Variants in ZSWIM8 observed in about 807,000 individuals in gnomAD.
ZSWIM8 encodes the protein zinc finger SWIM domain-containing protein 8.
A neutral mutation model predicts 173.7 loss-of-function variants in ZSWIM8; 27 were observed. The ratio of observed to expected loss-of-function variants is 0.16; its 90% CI spans 0.11 to 0.21. The LOEUF (loss-of-function observed/expected upper bound fraction) is 0.21, where lower values mean the gene tolerates loss of function less well. Ranked by LOEUF, ZSWIM8 falls within the 10% of genes least tolerant of loss-of-function variation. ZSWIM8 has a pLI of 1.00. For missense variants in ZSWIM8, 1,627 were observed against 2,428.8 expected (o/e 0.67, Z 6.94); for synonymous variants, 958 against 962.0 (o/e 1.00, Z 0.08).
chr10:73,797,687 C>T lies in ZSWIM8; in HGVS notation c.3662+82C>T, dbSNP rs948010352. The T allele has an allele frequency of 1.3e-6, 2 of 1,566,470 alleles. No homozygotes were observed. Among genetic ancestry groups the T allele is most frequent in the Non-Finnish European group, 1.7e-6 (2 of 1,151,440 alleles). On this transcript the variant is annotated intron_variant, in intron 18 of 25. Transcript: ENST00000604729. The surrounding 1 kb of genome is among the most constrained non-coding windows in gnomAD (Gnocchi z 5.6). Reference sequence around the variant, plus strand: ...CCTAGTGCAATCCAACCATTGTCTCCCAGCATCCTCACTTTCCCTGGTCCT... The same window carrying T: ...CCTAGTGCAATCCAACCATTGTCTCTCAGCATCCTCACTTTCCCTGGTCCT...
At position 73,797,288 on chromosome 10, in the gene ZSWIM8, G is replaced by T. The variant is rs776267922; in HGVS notation, c.3433+17G>T. The T allele has an allele frequency of 3.0e-5, 49 of 1,613,780 alleles. No individual in the cohort carries two copies. Among genetic ancestry groups the T allele is most frequent in the Non-Finnish European group, 3.2e-5 (38 of 1,179,820 alleles). ...AGCACACAGGTAGGATAGCCTGTGGGCTAGCATAGAGGGAAGGATAATCCT... is the reference window on the plus strand; with the variant it reads ...AGCACACAGGTAGGATAGCCTGTGGTCTAGCATAGAGGGAAGGATAATCCT... On this transcript the variant is annotated intron_variant, in intron 17 of 25. Coordinates refer to ENST00000604729, the MANE Select transcript of ZSWIM8 (RefSeq NM_001367799.1). This position sits in a 1 kb window ranked among gnomAD's most constrained non-coding sequence, Gnocchi z 5.6.
intron 1 of ZSWIM8, among the ~76,000 whole-genome samples, chr10:73,787,013 G>A (rs1016257612): frequency 1.3e-5 from 2 of 150,742 alleles, no homozygotes; most frequent in African/African-American, 2.4e-5. Context: ...GCACGATCTC[G>A]GCTCACCGCA....
At chr10:73,798,116 T>A in intron 19 of ZSWIM8, 46 bp downstream of exon 19, 1 of 1,604,028 alleles carries the variant, frequency 6.2e-7, no homozygotes, top group Non-Finnish European at 8.5e-7. Context: ...GATTAATTGG[T>A]GGGGATAAGA....
intron 1 of ZSWIM8, among the ~76,000 whole-genome samples, chr10:73,788,045 G>A (rs796271694): frequency 5.9e-5 from 9 of 152,146 alleles, no homozygotes; most frequent in African/African-American, 2.2e-4. Flanking sequence ...CTTAGTCCAG[G>A]TGATTCCAGT....
chr10:73,800,271 C>T lies in ZSWIM8; in HGVS notation c.4826-25C>T, dbSNP rs1224451026. 3 of 1,612,634 alleles carry T rather than the reference C, an allele frequency of 1.9e-6. No individual in the cohort carries two copies. The African/African-American group carries it at 4.0e-5, about 22-fold the overall frequency. The stretch of plus-strand genomic sequence containing the variant: ...TTGTCTCTCTTTGGGCTCTGAGTTC[C>T]TCACATGGCTCTCACCCCACTTAGT... On this transcript the variant is annotated intron_variant, in intron 22 of 25. Transcript: ENST00000604729. The surrounding 1 kb of genome is among the most constrained non-coding windows in gnomAD (Gnocchi z 4.1).
In ZSWIM8 at chr10:73,789,632, C is replaced by T. The variant is rs1330784684; in HGVS notation, c.631-85C>T. Reference sequence around the variant, plus strand: ...GGCTACAATGTGAGCCCCCTCGCCTCGCCTACTCTGCCTCTCTGTCCCCCA... The same window carrying T: ...GGCTACAATGTGAGCCCCCTCGCCTTGCCTACTCTGCCTCTCTGTCCCCCA... On this transcript the variant is annotated intron_variant, in intron 4 of 25. Coordinates refer to ENST00000604729, the MANE Select transcript of ZSWIM8 (RefSeq NM_001367799.1). This position sits in a 1 kb window ranked among gnomAD's most constrained non-coding sequence, Gnocchi z 6.8. The T allele has an allele frequency of 2.1e-5, 32 of 1,547,740 alleles. No homozygotes were observed. Among genetic ancestry groups the T allele is most frequent in the Middle Eastern group, 3.4e-4 (2 of 5,836 alleles).
At position 73,794,619 on chromosome 10, in the gene ZSWIM8, A is replaced by G; in HGVS notation, c.2888A>G (p.Glu963Gly). 1 of 1,554,362 alleles carries G rather than the reference A, an allele frequency of 6.4e-7. No homozygotes were observed. Among genetic ancestry groups the G allele is most frequent in the Non-Finnish European group, 8.7e-7 (1 of 1,148,568 alleles). The stretch of plus-strand genomic sequence containing the variant: ...CCTGGGGATGAGGAGCTTGGATTTG[A>G]AGCAGCAGTTGCTGCCTTGGGTGAG... ...ETPGDEELGF[E>G]AAVAALGMKT... The change falls in exon 14 of 26, where the codon GAA (glutamate) becomes GGA (glycine). Residue 963 changes from glutamate (E) to glycine (G), a missense_variant. Physicochemically the swap from Glu to Gly is moderately conservative, Grantham distance 98. This residue lies in a region of ZSWIM8 where 169 missense variants were observed against 235.3 expected (regional missense o/e 0.72). Coordinates refer to ENST00000604729, the MANE Select transcript of ZSWIM8 (RefSeq NM_001367799.1).
chr10:73,785,784 C>A lies in ZSWIM8; in HGVS notation c.-95C>A. 2.2e-6 allele frequency: 3 copies of A among 1,354,728 alleles called. No homozygotes were observed. The highest frequency in any genetic ancestry group is 3.0e-6 in the Non-Finnish European group (3 of 997,670). The allele number at this position is 1,354,728 out of a possible 1,614,324, so 83.9% of individuals were successfully genotyped here. On this transcript the variant is annotated 5_prime_UTR_variant, in exon 1 of 26. Coordinates refer to ENST00000604729, the MANE Select transcript of ZSWIM8 (RefSeq NM_001367799.1). ...GCCCCGGCCACCCCCAGCCCCGGCT[C>A]GCCCCTCAGGCCCCGGGCCTCCCCT...
chr10:73,801,503 C>T lies in ZSWIM8; in HGVS notation c.5489C>T (p.Ala1830Val). ...ELWQRVSLEM[A>V]TFSP The stretch of plus-strand genomic sequence containing the variant: ...TGGCAGCGGGTCTCACTCGAGATGG[C>T]CACCTTCTCCCCCTGAGTCTTTCAC... Residue 1830 changes from alanine to valine, a missense_variant, in exon 26 of 26, where the codon GCC becomes GTC. Ala to Val is a moderately conservative substitution (Grantham distance 64). Around this residue, in one of 18 missense-constraint regions of ZSWIM8, gnomAD observed 122 missense variants for 196.1 expected, o/e 0.62. Coordinates refer to ENST00000604729, the MANE Select transcript of ZSWIM8 (RefSeq NM_001367799.1). The surrounding 1 kb of genome is among the most constrained non-coding windows in gnomAD (Gnocchi z 4.9). The T allele has an allele frequency of 6.2e-7, 1 of 1,613,870 alleles. No individual in the cohort carries two copies.
chr10:73,793,634 G>T lies in ZSWIM8; in HGVS notation c.2360G>T (p.Ser787Ile). ...AEALHAHGYS[S>I]EASRLTVELA... ...GCCCTGCATGCGCATGGCTATAGCAGTGAGGCCTCCCGTCTCACTGTGGAG... is the reference window on the plus strand; with the variant it reads ...GCCCTGCATGCGCATGGCTATAGCATTGAGGCCTCCCGTCTCACTGTGGAG... Residue 787 changes from serine to isoleucine, a missense_variant, in exon 11 of 26, where the codon AGT becomes ATT. By Grantham distance (142) the Ser-to-Ile change is moderately radical. Transcript: ENST00000604729. 6.2e-7 allele frequency: 1 copy of T among 1,613,482 alleles called. No homozygotes were observed.
rs1168487652 is a variant in ZSWIM8 at position 73,791,802 on chromosome 10, C to T, written c.1320-57C>T. On this transcript the variant is annotated intron_variant, in intron 9 of 25. Transcript: ENST00000604729. This position sits in a 1 kb window ranked among gnomAD's most constrained non-coding sequence, Gnocchi z 6.0. Reference sequence around the variant, plus strand: ...CCTCTCTTTGGGGTGTACACCTACTCCATGCCCATCCTTTCCCAGTAGCCC... The same window carrying T: ...CCTCTCTTTGGGGTGTACACCTACTTCATGCCCATCCTTTCCCAGTAGCCC... 5 of 1,467,122 alleles carry T rather than the reference C, an allele frequency of 3.4e-6. No homozygotes were observed. The Admixed American group carries it at 9.8e-5, about 29-fold the overall frequency. 90.9% of individuals were successfully genotyped at this position (1,467,122 alleles called of 1,614,324 possible). A position where few individuals can be genotyped will look rare whatever the true frequency, so the allele number is the denominator to read the frequency against.
chr10:73,791,310 T>G lies in ZSWIM8; in HGVS notation c.1144-14T>G. 2.5e-6 allele frequency: 4 copies of G among 1,594,774 alleles called. No individual in the cohort carries two copies. Among genetic ancestry groups the G allele is most frequent in the Non-Finnish European group, 3.4e-6 (4 of 1,164,682 alleles). On this transcript the variant is annotated splice_polypyrimidine_tract_variant and intron_variant, in intron 8 of 25. Transcript: ENST00000604729. This position sits in a 1 kb window ranked among gnomAD's most constrained non-coding sequence, Gnocchi z 6.0. ...GAGCTCTCAGGTGCAGCTCACAGCC[T>G]TCTTTGTCTCCAGATAACAGGTTGG...
Position 73,789,086 on chromosome 10 carries a change from T to A in ZSWIM8, c.363-10T>A. 6.2e-7 allele frequency: 1 copy of A among 1,613,422 alleles called. No individual in the cohort carries two copies. The highest frequency in any genetic ancestry group is 1.7e-5 in the Admixed American group (1 of 59,964). ...CTGAGTTGTGGCTGTGTCCTCTTCT[T>A]CACCCCCAGGCTGTATTCGTGCCTG... On this transcript the variant is annotated splice_polypyrimidine_tract_variant and intron_variant, in intron 2 of 25. Transcript: ENST00000604729. The surrounding 1 kb of genome is among the most constrained non-coding windows in gnomAD (Gnocchi z 6.8).
Position 73,790,307 on chromosome 10 carries a change from T to C in ZSWIM8, c.941+15T>C. 2 of 1,584,150 alleles carry C rather than the reference T, an allele frequency of 1.3e-6. No individual in the cohort carries two copies. The highest frequency in any genetic ancestry group is 1.7e-6 in the Non-Finnish European group (2 of 1,166,216). ...GTGGTCTTCAGGTAAATCGGATCTC[T>C]GCATACCTGTGTCTGTGGTGGAGGG... On this transcript the variant is annotated intron_variant, in intron 7 of 25. Coordinates refer to ENST00000604729, the MANE Select transcript of ZSWIM8 (RefSeq NM_001367799.1).
In ZSWIM8 at chr10:73,797,207, C is replaced by T; in HGVS notation, c.3369C>T (p.Gly1123=). Residue 1123 remains glycine (G), a synonymous_variant, in exon 17 of 26, where the codon GGC becomes GGT. Coordinates refer to ENST00000604729, the MANE Select transcript of ZSWIM8 (RefSeq NM_001367799.1). This position sits in a 1 kb window ranked among gnomAD's most constrained non-coding sequence, Gnocchi z 5.6. ...AGGTTCCTAGCCGCTTGGCACTTGGCAGTCGTGGAGGCTATAATGGACGGG... is the reference window on the plus strand; with the variant it reads ...AGGTTCCTAGCCGCTTGGCACTTGGTAGTCGTGGAGGCTATAATGGACGGG... ...EGKVPSRLAL[G]SRGGYNGRGW... 1.9e-6 allele frequency: 3 copies of T among 1,613,994 alleles called. No homozygotes were observed. The highest frequency in any genetic ancestry group is 2.5e-6 in the Non-Finnish European group (3 of 1,179,876).
rs777052584 is a variant in ZSWIM8, at chr10:73,786,127, T to C, written c.208+41T>C. The stretch of plus-strand genomic sequence containing the variant: ...GGGGAAGAGGAGCGGCAGGCCCTGC[T>C]TGGGCCTCGCTCGGGAGCTGTCCGG... On this transcript the variant is annotated intron_variant, in intron 1 of 25. Transcript: ENST00000604729. 2.7e-6 allele frequency: 4 copies of C among 1,494,004 alleles called. No homozygotes were observed. In the Admixed American group the frequency reaches 8.7e-5, roughly 32 times the overall value. 92.5% of individuals were successfully genotyped at this position (1,494,004 alleles called of 1,614,324 possible).
chr10:73,793,869 A>G lies in ZSWIM8; in HGVS notation c.2450A>G (p.Lys817Arg). 1 of 1,605,496 alleles carries G rather than the reference A, an allele frequency of 6.2e-7. No homozygotes were observed. The highest frequency in any genetic ancestry group is 8.5e-7 in the Non-Finnish European group (1 of 1,176,964). Residue 817 changes from lysine to arginine, a missense_variant, in exon 12 of 26, where the codon AAG becomes AGG. By Grantham distance (26) the Lys-to-Arg change is conservative. Coordinates refer to ENST00000604729, the MANE Select transcript of ZSWIM8 (RefSeq NM_001367799.1). ...CTGTGTTTCTTCCCTTTCTAGGGCA[A>G]GAAGAACAAGGTATCCACGAGCCGT... Reference protein sequence around the residue: ...LKVEPPPAKGKKNKVSTSRQT... With the variant: ...LKVEPPPAKGRKNKVSTSRQT...
At position 73,792,653 on chromosome 10, in the gene ZSWIM8, C is replaced by T. The variant is rs1424461096; in HGVS notation, c.2114C>T (p.Thr705Ile). ...DVCTQDDLPSTDESGNGLPKT... is the reference protein window; with the variant it reads ...DVCTQDDLPSIDESGNGLPKT... ...TGTACCCAGGACGACCTCCCTTCTA[C>T]AGATGAGAGTGGCAATGGGCTTCCC... Residue 705 changes from threonine to isoleucine, a missense_variant, in exon 10 of 26, where the codon ACA (threonine) becomes ATA (isoleucine). Physicochemically the swap from Thr to Ile is moderately conservative, Grantham distance 89. This residue lies in a region of ZSWIM8 where 383 missense variants were observed against 394.8 expected (regional missense o/e 0.97). Transcript: ENST00000604729. The surrounding 1 kb of genome is among the most constrained non-coding windows in gnomAD (Gnocchi z 4.3). 6 of 1,614,042 alleles carry T rather than the reference C, an allele frequency of 3.7e-6. No homozygotes were observed. Among genetic ancestry groups the T allele is most frequent in the South Asian group, 1.1e-5 (1 of 91,088 alleles).
Position 73,789,657 on chromosome 10 carries a change from A to G in ZSWIM8, c.631-60A>G. 1 of 1,547,382 alleles carries G rather than the reference A, an allele frequency of 6.5e-7. No individual in the cohort carries two copies. Among genetic ancestry groups the G allele is most frequent in the Admixed American group, 1.9e-5 (1 of 51,766 alleles). ...CGCCTACTCTGCCTCTCTGTCCCCC[A>G]GCTCCAGCTCCAGCAAACCTGTTCT... On this transcript the variant is annotated intron_variant, in intron 4 of 25. Coordinates refer to ENST00000604729, the MANE Select transcript of ZSWIM8 (RefSeq NM_001367799.1). The surrounding 1 kb of genome is among the most constrained non-coding windows in gnomAD (Gnocchi z 6.8).
Sources: gnomAD v4.1 joint callset for allele counts (sites outside exome capture counted in the v4.1 genomes callset) on GRCh38, gnomAD v4.1.1 for gene constraint, gnomAD v4.1.1 regional missense constraint, Gnocchi (gnomAD v3.1) non-coding constraint, MANE v1.5 for transcripts, NCBI Gene and HGNC (gene_info 2026-07-23, HGNC 2026-07-21) for gene names.